CACNA2D3: variants seen among roughly 807,000 people sequenced by gnomAD.
The protein encoded by CACNA2D3 is calcium voltage-gated channel auxiliary subunit alpha2delta 3.
In CACNA2D3, 60 loss-of-function variants were observed where a neutral mutation model predicts 160.6. The ratio of observed to expected loss-of-function variants is 0.37; its 90% CI spans 0.30 to 0.46. The LOEUF (loss-of-function observed/expected upper bound fraction) is 0.46, where lower values mean the gene tolerates loss of function less well. Among genes scored for constraint, CACNA2D3 ranks in the 20% least tolerant of loss-of-function variants. The pLI is 1.00. For synonymous variants in CACNA2D3, 558 were observed against 492.9 expected (o/e 1.13, Z -1.75); for missense variants, 1,205 against 1,365.0 (o/e 0.88, Z 1.85).
intron 9 of CACNA2D3, among the ~76,000 whole-genome samples, chr3:54,603,994 C>T (rs541949796): frequency 6.6e-6 from 1 of 152,224 alleles, no homozygotes; most frequent in African/African-American, 2.4e-5. Flanking sequence ...GCATTCCAAC[C>T]TCCTTATTAT....
At chr3:54,624,883 A>C (rs573937510) in intron 9 of CACNA2D3, among the ~76,000 whole-genome samples, 1 of 152,302 alleles carries the variant, frequency 6.6e-6, no homozygotes, top group African/African-American at 2.4e-5. Context: ...CTAAGTCCTC[A>C]TGGTGGTCAC....
chr3:54,540,572 A>G (rs1575511508), intron 5 of CACNA2D3, among the ~76,000 whole-genome samples: 2 of 152,224 alleles, frequency 1.3e-5, no homozygotes, highest in East Asian at 1.9e-4. Context: ...GGTCGGGTAT[A>G]TATAAAATGG....
At chr3:54,632,788 A>T (rs1197893123) in intron 10 of CACNA2D3, 1 of 152,168 alleles carries the variant, frequency 6.6e-6, no homozygotes, top group East Asian at 1.9e-4. Context: ...TGAAGAATTG[A>T]TGGGTCTTTC....
In CACNA2D3 at chr3:54,578,521, G is replaced by A. The variant is rs555698615; in HGVS notation, c.889-3282G>A. Among the ~76,000 whole-genome samples the A allele has an allele frequency of 2.0e-5, 3 of 152,386 alleles. No homozygotes were observed. In the South Asian group the frequency reaches 6.2e-4, roughly 32 times the overall value. ...GAGGAGCCGTTGGGTAGTGAGAGGA[G>A]CGTGCATAGCTAGCAGGCCTTAGTA... On this transcript the variant is annotated intron_variant, in intron 8 of 37. Coordinates refer to ENST00000474759, the MANE Select transcript of CACNA2D3 (RefSeq NM_018398.3).
chr3:54,303,863 G>A (rs1703536590), intron 2 of CACNA2D3, among the ~76,000 whole-genome samples: 1 of 140,818 alleles, frequency 7.1e-6, no homozygotes, highest in East Asian at 2.0e-4. Context: ...TGCTCAGCGG[G>A]AGGGATTGCC....
intron 2 of CACNA2D3, among the ~76,000 whole-genome samples, chr3:54,273,963 C>T (rs964085433): frequency 1.3e-5 from 2 of 152,142 alleles, no homozygotes; most frequent in African/African-American, 4.8e-5. Flanking sequence ...CAGGTTGCAT[C>T]ATACTGCTAA....
In CACNA2D3 at chr3:54,402,812, C is replaced by T. The variant is rs111488909; in HGVS notation, c.381+16038C>T. ...AATATATACACAACTTTCCATCCAACAGCAGCAGAATATACATTCTTCTCT... is the reference window on the plus strand; with the variant it reads ...AATATATACACAACTTTCCATCCAATAGCAGCAGAATATACATTCTTCTCT... On this transcript the variant is annotated intron_variant, in intron 4 of 37. Transcript: ENST00000474759. 9.3e-3 allele frequency among the ~76,000 whole-genome samples: 1,413 copies of T among 152,276 alleles called. 14 individuals carry two copies. The highest frequency in any genetic ancestry group is 0.013 in the Non-Finnish European group (906 of 68,016).
At chr3:54,174,385 C>T (rs1416786336) in intron 2 of CACNA2D3, among the ~76,000 whole-genome samples, 1 of 152,148 alleles carries the variant, frequency 6.6e-6, no homozygotes, top group Non-Finnish European at 1.5e-5. Context: ...CGGTTTTGAA[C>T]GATTTGATGG....
intron 35 of CACNA2D3, among the ~76,000 whole-genome samples, chr3:55,058,568 G>T (rs1050064857): frequency 6.6e-6 from 1 of 152,006 alleles, no homozygotes; most frequent in Non-Finnish European, 1.5e-5. Context: ...GTCAGCAACT[G>T]AGACTATAGA....
intron 4 of CACNA2D3, among the ~76,000 whole-genome samples, chr3:54,444,883 C>A (rs1348342268): frequency 6.6e-6 from 1 of 152,204 alleles, no homozygotes; most frequent in Non-Finnish European, 1.5e-5. Flanking sequence ...GATAAACATC[C>A]GCTTTCTTGG....
chr3:54,532,110 AG>A (rs1701815214), intron 5 of CACNA2D3, among the ~76,000 whole-genome samples: 1 of 152,144 alleles, frequency 6.6e-6, no homozygotes, highest in African/African-American at 2.4e-5. Flanking sequence ...GTATCAATGT[AG>A]GGGGTAAAAG....
At chr3:54,164,666 G>A (rs1269926329) in intron 2 of CACNA2D3, among the ~76,000 whole-genome samples, 2 of 152,064 alleles carry the variant, frequency 1.3e-5, no homozygotes, top group African/African-American at 4.8e-5. Context: ...AGAGACCTTC[G>A]GAGGGGGCAC....
At chr3:54,124,313 A>C (rs1348260369) in intron 2 of CACNA2D3, among the ~76,000 whole-genome samples, 1 of 152,220 alleles carries the variant, frequency 6.6e-6, no homozygotes, top group Admixed American at 6.5e-5. Context: ...CATAAGCTTA[A>C]AATTACATTG....
At chr3:54,407,483 T>A (rs1699597721) in intron 4 of CACNA2D3, among the ~76,000 whole-genome samples, 1 of 152,174 alleles carries the variant, frequency 6.6e-6, no homozygotes, top group African/African-American at 2.4e-5. Flanking sequence ...GTTTCTTAGT[T>A]AGGACTTGCC....
intron 4 of CACNA2D3, among the ~76,000 whole-genome samples, chr3:54,464,785 C>A (rs1700583410): frequency 6.6e-6 from 1 of 152,182 alleles, no homozygotes; most frequent in Non-Finnish European, 1.5e-5. Flanking sequence ...CACGCACTGT[C>A]CTGCGCCCAC....
At chr3:54,149,919 C>A (rs1700109357) in intron 2 of CACNA2D3, among the ~76,000 whole-genome samples, 1 of 91,696 alleles carries the variant, frequency 1.1e-5, no homozygotes. Context: ...CTCTCTCTCT[C>A]TCTCTCTCTC....
chr3:54,717,550 GGTGTGTGTGT>G (rs35851414), intron 11 of CACNA2D3, among the ~76,000 whole-genome samples: 7 of 147,976 alleles, frequency 4.7e-5, no homozygotes, highest in East Asian at 4.1e-4. Flanking sequence ...GTGCATGTGT[GGTGTGTGTGT>G]GTGTGTGTGG....
intron 27 of CACNA2D3, among the ~76,000 whole-genome samples, chr3:54,919,504 C>T (rs991255226): frequency 2.6e-5 from 4 of 152,150 alleles, no homozygotes; most frequent in Non-Finnish European, 4.4e-5. Context: ...AGAACATTTA[C>T]GGCTTTGAAT....
rs140401268 is a variant in CACNA2D3 at position 54,400,531 on chromosome 3, A to G, written c.381+13757A>G. ...GTGTGGAAAGAAAGAAGAGGAGGAC[A>G]TCAAAAGTCCTTGTCACCAAGGACC... On this transcript the variant is annotated intron_variant, in intron 4 of 37. Transcript: ENST00000474759. 1.6e-3 allele frequency among the ~76,000 whole-genome samples: 242 copies of G among 152,288 alleles called. 2 individuals are homozygous for G. The Middle Eastern group carries it at 0.02, about 13-fold the overall frequency.
Sources: gnomAD v4.1 joint callset for allele counts (sites outside exome capture counted in the v4.1 genomes callset) on GRCh38, gnomAD v4.1.1 for gene constraint, MANE v1.5 for transcripts, NCBI Gene and HGNC (gene_info 2026-07-23, HGNC 2026-07-21) for gene names.